CRAMP1: variants seen among roughly 807,000 people sequenced by gnomAD.
CRAMP1 encodes the protein protein cramped-like.
In CRAMP1, 50 loss-of-function variants were observed where a neutral mutation model predicts 115.4. That is an observed-to-expected ratio of 0.43 (90% CI 0.35 to 0.55). The LOEUF (loss-of-function observed/expected upper bound fraction) is 0.55. CRAMP1 is among the 20% of genes least tolerant of loss of function. The probability of loss-of-function intolerance (pLI) is 0.01; values close to 1 mark genes in which losing one functional copy is unlikely to be tolerated. For synonymous variants in CRAMP1, 866 were observed against 745.4 expected (o/e 1.16, Z -2.64); for missense variants, 1,679 against 1,721.7 (o/e 0.98, Z 0.44).
At chr16:1,635,679 T>G (rs2036583333) in intron 4 of CRAMP1, among the ~76,000 whole-genome samples, 1 of 152,216 alleles carries the variant, frequency 6.6e-6, no homozygotes, top group Admixed American at 6.5e-5. Context: ...AAATATATAT[T>G]TTAGAAATGG....
chr16:1,660,996 G>A (rs895917641), intron 11 of CRAMP1, among the ~76,000 whole-genome samples: 5 of 151,662 alleles, frequency 3.3e-5, no homozygotes, highest in East Asian at 1.9e-4. Context: ...GCAACGGAGC[G>A]AGACTCCATC....
At chr16:1,661,759 G>A (rs1253088697) in intron 11 of CRAMP1, among the ~76,000 whole-genome samples, 2 of 152,030 alleles carry the variant, frequency 1.3e-5, no homozygotes, top group Non-Finnish European at 1.5e-5. Context: ...CCATGCTCGG[G>A]TAATTTTTGT....
Position 1,674,012 on chromosome 16 carries a change from A to G in CRAMP1, c.3777A>G (p.Gly1259=), listed in dbSNP as rs770665705. The G allele has an allele frequency of 4.3e-6, 7 of 1,612,130 alleles. No homozygotes were observed. Among genetic ancestry groups the G allele is most frequent in the African/African-American group, 1.3e-5 (1 of 74,866 alleles). ...GAGAAGCTCTGTTTGATGGTGGTGGAGGCGGCCCCGCTGTCAGTGACCTGT... is the reference window on the plus strand; with the variant it reads ...GAGAAGCTCTGTTTGATGGTGGTGGGGGCGGCCCCGCTGTCAGTGACCTGT... ...GRREALFDGG[G]GGPAVSDLSQ Residue 1259 remains glycine (G), a synonymous_variant, in exon 21 of 21, where the codon GGA becomes GGG. Coordinates refer to ENST00000397412, the MANE Select transcript of CRAMP1 (RefSeq NM_020825.4).
intron 4 of CRAMP1, 39 bp downstream of exon 4, chr16:1,632,404 G>A (rs1435555653): frequency 6.5e-7 from 1 of 1,549,212 alleles, no homozygotes; most frequent in East Asian, 2.4e-5. Flanking sequence ...GTGCCCACAG[G>A]CAGGGCCGGC....
chr16:1,640,457 G>T (rs999897018), intron 5 of CRAMP1, among the ~76,000 whole-genome samples: 13 of 152,156 alleles, frequency 8.5e-5, no homozygotes, highest in African/African-American at 2.9e-4. Flanking sequence ...TTTCAGCCTG[G>T]TCGTTCGTTT....
chr16:1,641,422 C>T (rs776239117), intron 6 of CRAMP1, among the ~76,000 whole-genome samples: 16 of 152,168 alleles, frequency 1.1e-4, no homozygotes, highest in African/African-American at 3.6e-4. Context: ...TCCTCCTTCC[C>T]GAGGGTCTCT....
In CRAMP1 at chr16:1,614,687, G is replaced by A. The variant is rs2036401235; in HGVS notation, c.48G>A (p.Lys16=). 7.6e-6 allele frequency: 10 copies of A among 1,323,710 alleles called. No homozygotes were observed. The highest frequency in any genetic ancestry group is 9.7e-6 in the Non-Finnish European group (10 of 1,030,008). The allele number at this position is 1,323,710 out of a possible 1,614,324, so 82.0% of individuals were successfully genotyped here. ...GCGGCAGCGGGGAGGACGGGCTCAA[G>A]AAGCTGGGCAAGCGGGCGGCCGATG... The part of the protein sequence containing the change: ...GDGGSGEDGL[K]KLGKRAADEE... Residue 16 remains lysine (K), a synonymous_variant, in exon 2 of 21, where the codon AAG becomes AAA. Coordinates refer to ENST00000397412, the MANE Select transcript of CRAMP1 (RefSeq NM_020825.4). This position sits in a 1 kb window ranked among gnomAD's most constrained non-coding sequence, Gnocchi z 4.4.
At position 1,676,132 on chromosome 16, in the gene CRAMP1, G is replaced by C. The variant is rs1211129796; in HGVS notation, c.*2087G>C. ...AGGAGGGTTTGTGAACTGCCTGTCA[G>C]GGTACCTGTTAGCCCCTGACAACTC... On this transcript the variant is annotated 3_prime_UTR_variant, in exon 21 of 21. Transcript: ENST00000397412. 2.0e-5 allele frequency: 3 copies of C among 152,298 alleles called. No homozygotes were observed. Among genetic ancestry groups the C allele is most frequent in the Non-Finnish European group, 4.4e-5 (3 of 68,098 alleles). The allele number at this position is 152,298 out of a possible 1,614,324, so 9.4% of individuals were successfully genotyped here.
intron 10 of CRAMP1, among the ~76,000 whole-genome samples, chr16:1,658,677 A>G (rs2036797277): frequency 6.6e-6 from 1 of 152,152 alleles, no homozygotes; most frequent in Non-Finnish European, 1.5e-5. Flanking sequence ...CCCAGAGATC[A>G]GGAGATGCCG....
chr16:1,625,950 C>T, intron 2 of CRAMP1, 23 bp from the exon 3 acceptor site: 2 of 1,551,060 alleles, frequency 1.3e-6, no homozygotes, highest in South Asian at 1.2e-5. Context: ...GAACAGATCA[C>T]TGTACGGTGC....
At chr16:1,655,418 T>C (rs377635228) in intron 9 of CRAMP1, 118 bp downstream of exon 9, 7 of 799,738 alleles carry the variant, frequency 8.8e-6, no homozygotes, top group East Asian at 2.5e-5. Context: ...ACAGCCATGC[T>C]GTGACATGGT....
chr16:1,628,968 G>A (rs1300394683), intron 3 of CRAMP1, among the ~76,000 whole-genome samples: 1 of 152,230 alleles, frequency 6.6e-6, no homozygotes, highest in East Asian at 1.9e-4. Context: ...GGCCCGTCCA[G>A]ACTTCTCCCT....
intron 3 of CRAMP1, among the ~76,000 whole-genome samples, chr16:1,629,860 C>T (rs2036535649): frequency 6.6e-6 from 1 of 152,166 alleles, no homozygotes; most frequent in African/African-American, 2.4e-5. Flanking sequence ...GGGTGCCAGC[C>T]TTCCAGCCCC....
In CRAMP1 at chr16:1,622,773, C is replaced by G. The variant is rs117519818; in HGVS notation, c.347-3200C>G. Among the ~76,000 whole-genome samples, 18 of 70,860 alleles carry G rather than the reference C, an allele frequency of 2.5e-4. No individual in the cohort carries two copies. In the East Asian group the frequency reaches 3.2e-3, roughly 13 times the overall value. 46.5% of individuals were successfully genotyped at this position (70,860 alleles called of 152,430 possible). A position where few individuals can be genotyped will look rare whatever the true frequency, so the allele number is the denominator to read the frequency against. On this transcript the variant is annotated intron_variant, in intron 2 of 20. Coordinates refer to ENST00000397412, the MANE Select transcript of CRAMP1 (RefSeq NM_020825.4). The stretch of plus-strand genomic sequence containing the variant: ...GTCTACTTTTTTTTTTTTTTTTTTT[C>G]TTTTTTGAGACAGTCTCTCACTCTG...
In CRAMP1 at chr16:1,618,109, C is replaced by T. The variant is rs144868154; in HGVS notation, c.346+3124C>T. Among the ~76,000 whole-genome samples the T allele has an allele frequency of 1.5e-3, 234 of 152,276 alleles. 1 individual carries two copies. Among genetic ancestry groups the T allele is most frequent in the African/African-American group, 5.3e-3 (219 of 41,544 alleles). On this transcript the variant is annotated intron_variant, in intron 2 of 20. Coordinates refer to ENST00000397412, the MANE Select transcript of CRAMP1 (RefSeq NM_020825.4). ...TAAGTCAGGAGACAGAGTCCTGATACCTTTCCCTATTTGGCCAGTTCATGA... is the reference window on the plus strand; with the variant it reads ...TAAGTCAGGAGACAGAGTCCTGATATCTTTCCCTATTTGGCCAGTTCATGA...
chr16:1,629,315 T>TA (rs2036530556), intron 3 of CRAMP1, among the ~76,000 whole-genome samples: 1 of 152,218 alleles, frequency 6.6e-6, no homozygotes. Context: ...CTCAGCCTGT[T>TA]ACCATCTCCA....
intron 13 of CRAMP1, 67 bp from the exon 14 acceptor site, chr16:1,664,990 T>C: frequency 9.0e-7 from 1 of 1,108,038 alleles, no homozygotes; most frequent in Non-Finnish European, 1.4e-6. Flanking sequence ...GACATTCCTT[T>C]GTAACTGGGA....
Position 1,656,969 on chromosome 16 carries a change from T to G in CRAMP1, c.2212T>G (p.Ser738Ala). Reference protein sequence around the residue: ...RLLSCLLKLISTEVNPKLALE... With the variant: ...RLLSCLLKLIATEVNPKLALE... ...CCTCAGCTGCCTCCTGAAGCTCATT[T>G]CCACCGAGGTCAACCCCAAGCTGGT... Residue 738 changes from serine (S) to alanine (A), a missense_variant, in exon 10 of 21, where the codon TCC becomes GCC. By Grantham distance (99) the Ser-to-Ala change is moderately conservative. Coordinates refer to ENST00000397412, the MANE Select transcript of CRAMP1 (RefSeq NM_020825.4). This position sits in a 1 kb window ranked among gnomAD's most constrained non-coding sequence, Gnocchi z 5.6. 6.5e-7 allele frequency: 1 copy of G among 1,543,872 alleles called. No individual in the cohort carries two copies. The highest frequency in any genetic ancestry group is 8.7e-7 in the Non-Finnish European group (1 of 1,143,354).
At chr16:1,660,359 T>C (rs1241058330) in intron 11 of CRAMP1, among the ~76,000 whole-genome samples, 2 of 152,224 alleles carry the variant, frequency 1.3e-5, no homozygotes, top group Non-Finnish European at 2.9e-5. Flanking sequence ...GCAAAAGCCT[T>C]GCTAATGTGC....
Sources: allele counts gnomAD v4.1 joint callset (sites outside exome capture counted in the v4.1 genomes callset), GRCh38; gene constraint gnomAD v4.1.1; non-coding constraint Gnocchi (gnomAD v3.1); transcripts MANE v1.5; gene names NCBI Gene and HGNC (gene_info 2026-07-23, HGNC 2026-07-21).